Variants in CDH9 observed in about 807,000 individuals in gnomAD.
CDH9 encodes the protein cadherin-9.
CDH9 carries 28 observed loss-of-function variants against 70.9 expected under a neutral mutation model. That is an observed-to-expected ratio of 0.40 (90% confidence interval 0.29 to 0.54). The LOEUF is 0.54. Among genes scored for constraint, CDH9 ranks in the 20% least tolerant of loss-of-function variants. CDH9 has a pLI of 0.59. For synonymous variants in CDH9, 409 were observed against 343.1 expected (o/e 1.19, Z -2.12); for missense variants, 874 against 984.4 (o/e 0.89, Z 1.50).
intron 2 of CDH9, among the ~76,000 whole-genome samples, chr5:26,942,385 TC>T (rs1741677946): frequency 6.6e-6 from 1 of 152,050 alleles, no homozygotes; most frequent in South Asian, 2.1e-4. Context: ...TATATCAACC[TC>T]TTAATCCATA....
Position 26,982,087 on chromosome 5 carries a change from G to A in CDH9, c.228+6019C>T, listed in dbSNP as rs114729417. Among the ~76,000 whole-genome samples, 1,454 of 151,934 alleles carry A rather than the reference G, an allele frequency of 9.6e-3. 28 individuals carry two copies. The highest frequency in any genetic ancestry group is 0.033 in the African/African-American group (1,378 of 41,404). On this transcript the variant is annotated intron_variant, in intron 2 of 11. Coordinates refer to ENST00000231021, the MANE Select transcript of CDH9 (RefSeq NM_016279.4). ...CGTCCTTCCTGATGAGTATATAAAG[G>A]TGGATTCGATCATCTGCAAGTTTTT...
chr5:26,915,552 C>T, intron 3 of CDH9, 78 bp downstream of exon 3: 2 of 838,760 alleles, frequency 2.4e-6, no homozygotes, highest in Non-Finnish European at 3.9e-6. Context: ...GGCCACATAT[C>T]ATAACCACAA....
intron 1 of CDH9, among the ~76,000 whole-genome samples, chr5:26,996,270 AATCTATTG>A (rs2112099984): frequency 6.6e-6 from 1 of 152,170 alleles, no homozygotes; most frequent in South Asian, 2.1e-4. Flanking sequence ...AACATACATT[AATCTATTG>A]ATCTTCAAAA....
intron 2 of CDH9, among the ~76,000 whole-genome samples, chr5:26,966,829 T>G (rs11744770): frequency 0.47 from 70,740 of 152,050 alleles, 17,333 homozygotes; most frequent in Non-Finnish European, 0.53. Context: ...TCCCCAAACA[T>G]AAATCCTCAG....
At chr5:26,966,591 T>G (rs1742133562) in intron 2 of CDH9, among the ~76,000 whole-genome samples, 1 of 152,230 alleles carries the variant, frequency 6.6e-6, no homozygotes, top group Non-Finnish European at 1.5e-5. Flanking sequence ...TTTCTTCTAA[T>G]ACTCCTTAGA....
At chr5:26,947,103 T>C (rs1741767951) in intron 2 of CDH9, among the ~76,000 whole-genome samples, 1 of 152,182 alleles carries the variant, frequency 6.6e-6, no homozygotes, top group African/African-American at 2.4e-5. Context: ...TTTGACTATA[T>C]CTGCCATTCA....
intron 2 of CDH9, among the ~76,000 whole-genome samples, chr5:26,977,736 A>G (rs1361215486): frequency 6.6e-6 from 1 of 152,080 alleles, no homozygotes; most frequent in African/African-American, 2.4e-5. Flanking sequence ...TGACCCTAAA[A>G]TTGGCATACA....
rs1372129331 is a variant in CDH9, at chr5:26,906,064, T to C, written c.706A>G (p.Ile236Val). The change falls in exon 5 of 12, where the codon ATA (isoleucine) becomes GTA (valine). Residue 236 changes from isoleucine (I) to valine (V), a missense_variant. Coordinates refer to ENST00000231021, the MANE Select transcript of CDH9 (RefSeq NM_016279.4). ...TGGCCACCCATGTCTTTGGCCTGTA[T>C]AACAACCTGGTACTGCTCTCTATTT... ...RENREQYQVV[I>V]QAKDMGGQMG... 3 of 1,613,798 alleles carry C rather than the reference T, an allele frequency of 1.9e-6. No individual in the cohort carries two copies. The highest frequency in any genetic ancestry group is 2.5e-6 in the Non-Finnish European group (3 of 1,179,666).
At chr5:26,926,463 C>T (rs1436311995) in intron 2 of CDH9, among the ~76,000 whole-genome samples, 4 of 152,062 alleles carry the variant, frequency 2.6e-5, no homozygotes, top group Admixed American at 2.6e-4. Flanking sequence ...AATGGAAGAA[C>T]ATTTCATGCT....
Position 26,906,901 on chromosome 5 carries a change from T to A in CDH9, c.524-63A>T, listed in dbSNP as rs933402945. On this transcript the variant is annotated intron_variant, in intron 3 of 11. Coordinates refer to ENST00000231021, the MANE Select transcript of CDH9 (RefSeq NM_016279.4). Reference sequence around the variant, plus strand: ...ATACTTCCAAATCTGAAACAATCTTTCTTAAAAATATGTTGCTCTCAGTGT... The same window carrying A: ...ATACTTCCAAATCTGAAACAATCTTACTTAAAAATATGTTGCTCTCAGTGT... 5.4e-6 allele frequency: 8 copies of A among 1,492,374 alleles called. No homozygotes were observed. In the Admixed American group the frequency reaches 6.0e-5, roughly 11 times the overall value. The allele number at this position is 1,492,374 out of a possible 1,614,324, so 92.4% of individuals were successfully genotyped here.
chr5:26,920,600 C>T (rs923664005), intron 2 of CDH9, among the ~76,000 whole-genome samples: 1 of 152,034 alleles, frequency 6.6e-6, no homozygotes. Context: ...CACAGGGGTG[C>T]TTGTGTCACC....
chr5:26,948,340 T>G (rs1351610849), intron 2 of CDH9, among the ~76,000 whole-genome samples: 2 of 152,178 alleles, frequency 1.3e-5, no homozygotes, highest in Non-Finnish European at 2.9e-5. Flanking sequence ...GGCCGAGAGA[T>G]GAAACATTTT....
chr5:26,969,833 T>A (rs530002711), intron 2 of CDH9, among the ~76,000 whole-genome samples: 1 of 136,612 alleles, frequency 7.3e-6, no homozygotes, highest in African/African-American at 2.7e-5. Context: ...ATCTTAGATG[T>A]TCATTTTCCT....
chr5:27,035,699 TGTGTGTG>T (rs1743380913), intron 1 of CDH9, among the ~76,000 whole-genome samples: 1 of 150,866 alleles, frequency 6.6e-6, no homozygotes, highest in Non-Finnish European at 1.5e-5. Flanking sequence ...TGTGTGTGTG[TGTGTGTG>T]TGTGGGTGTG....
At position 26,885,852 on chromosome 5, in the gene CDH9, T is replaced by A. The variant is rs762181722; in HGVS notation, c.1644A>T (p.Gly548=). 1.2e-6 allele frequency: 2 copies of A among 1,613,810 alleles called. No homozygotes were observed. Among genetic ancestry groups the A allele is most frequent in the Non-Finnish European group, 1.7e-6 (2 of 1,179,912 alleles). Residue 548 remains glycine (G), a synonymous_variant, in exon 11 of 12, where the codon GGA becomes GGT. Coordinates refer to ENST00000231021, the MANE Select transcript of CDH9 (RefSeq NM_016279.4). ...TGTAGCCATCTTTCCGAGTCATGAT[T>A]CCTGCTGTATTATCTGGGGGAGAAA... ...TIVDNKDNTA[G]IMTRKDGYSR...
intron 11 of CDH9, among the ~76,000 whole-genome samples, chr5:26,884,223 A>G (rs73748524): frequency 0.032 from 4,893 of 152,180 alleles, 163 homozygotes; most frequent in African/African-American, 0.084. Context: ...AAAAAATAGT[A>G]TCAAATTAAT....
At chr5:26,884,346 G>A (rs1213579915) in intron 11 of CDH9, among the ~76,000 whole-genome samples, 1 of 152,104 alleles carries the variant, frequency 6.6e-6, no homozygotes, top group Non-Finnish European at 1.5e-5. Flanking sequence ...TTTTAAAAAT[G>A]ATCTAACAAT....
chr5:27,005,822 G>T (rs1458336635), intron 1 of CDH9, among the ~76,000 whole-genome samples: 1 of 152,126 alleles, frequency 6.6e-6, no homozygotes, highest in African/African-American at 2.4e-5. Context: ...AGATACCATG[G>T]AATACTGTGC....
chr5:26,918,700 T>G (rs2112008882), intron 2 of CDH9, among the ~76,000 whole-genome samples: 1 of 152,342 alleles, frequency 6.6e-6, no homozygotes, highest in African/African-American at 2.4e-5. Flanking sequence ...AGAGAGAATT[T>G]ACTCTCTTTG....
Sources: allele counts gnomAD v4.1 joint callset (sites outside exome capture counted in the v4.1 genomes callset), GRCh38; gene constraint gnomAD v4.1.1; transcripts MANE v1.5; gene names NCBI Gene and HGNC (gene_info 2026-07-23, HGNC 2026-07-21).